The following TANC2 variants were observed in gnomAD, a reference collection of about 807,000 sequenced individuals.
The protein encoded by TANC2 is protein TANC2.
TANC2 carries 26 observed loss-of-function variants against 210.5 expected under a neutral mutation model. The observed-to-expected ratio is 0.12, with a 90% CI of 0.09 to 0.17. The LOEUF is 0.17. TANC2 is among the 10% of genes least tolerant of loss of function. The pLI is 1.00. For missense variants in TANC2, 2,129 were observed against 2,608.9 expected (o/e 0.82, Z 4.01); for synonymous variants, 931 against 967.1 (o/e 0.96, Z 0.69).
At chr17:63,343,050 A>C (rs910462997) in intron 12 of TANC2, among the ~76,000 whole-genome samples, 3 of 152,258 alleles carry the variant, frequency 2.0e-5, no homozygotes, top group Non-Finnish European at 1.5e-5. Flanking sequence ...GACCCAAAAG[A>C]ACTCAAGAAA....
chr17:62,983,773 T>C (rs2032426034), intron 1 of TANC2, among the ~76,000 whole-genome samples: 1 of 152,194 alleles, frequency 6.6e-6, no homozygotes, highest in African/African-American at 2.4e-5. Flanking sequence ...TTACATTTAA[T>C]AATTTGTGTA....
Position 62,966,499 on chromosome 17 carries a change from G to A in TANC2, c.-274G>A, listed in dbSNP as rs1192489811. ...CGCTAGGCGGAGCGAGGCGCCCGCCGCCGCCGAGCCGAGCCGAGGGGCGAG... is the reference window on the plus strand; with the variant it reads ...CGCTAGGCGGAGCGAGGCGCCCGCCACCGCCGAGCCGAGCCGAGGGGCGAG... On this transcript the variant is annotated 5_prime_UTR_variant, in exon 1 of 28. Transcript: ENST00000689528. This position sits in a 1 kb window ranked among gnomAD's most constrained non-coding sequence, Gnocchi z 5.1. Among the ~76,000 whole-genome samples, 1 of 148,958 alleles carries A rather than the reference G, an allele frequency of 6.7e-6. No individual in the cohort carries two copies. The highest frequency in any genetic ancestry group is 1.5e-5 in the Non-Finnish European group (1 of 66,720).
chr17:63,143,639 A>G (rs888636952), intron 4 of TANC2, among the ~76,000 whole-genome samples: 1 of 152,124 alleles, frequency 6.6e-6, no homozygotes, highest in Non-Finnish European at 1.5e-5. Context: ...ATGCTAGTAT[A>G]CCTTCTCAAA....
intron 5 of TANC2, among the ~76,000 whole-genome samples, chr17:63,170,434 TAAAAAAA>T (rs761783557): frequency 3.0e-5 from 4 of 133,198 alleles, no homozygotes; most frequent in Non-Finnish European, 6.5e-5. Flanking sequence ...AGATTCCATT[TAAAAAAA>T]AAAAAAAAAA....
chr17:63,196,209 C>G (rs1351469704), intron 6 of TANC2, among the ~76,000 whole-genome samples: 2 of 152,278 alleles, frequency 1.3e-5, no homozygotes. Flanking sequence ...GATGTCAGAT[C>G]TGATGATTTT....
chr17:63,152,227 C>T (rs907264388), intron 5 of TANC2: 2 of 152,110 alleles, frequency 1.3e-5, no homozygotes, highest in African/African-American at 4.8e-5. Flanking sequence ...GTGAATACAA[C>T]TACTACATAT....
rs143373195 is a variant in TANC2 at position 63,247,604 on chromosome 17, A to G, written c.1033+9527A>G. Reference sequence around the variant, plus strand: ...GTGAATGATTTTTTTATTTACCACAATTGTCTTCCCATAATGTTAGTCTTT... The same window carrying G: ...GTGAATGATTTTTTTATTTACCACAGTTGTCTTCCCATAATGTTAGTCTTT... On this transcript the variant is annotated intron_variant, in intron 8 of 27. Coordinates refer to ENST00000689528, the Ensembl canonical transcript of TANC2. 1.8e-3 allele frequency among the ~76,000 whole-genome samples: 269 copies of G among 152,086 alleles called. 1 individual carries two copies. The highest frequency in any genetic ancestry group is 3.4e-3 in the Middle Eastern group (1 of 294).
chr17:63,221,537 G>A (rs9908127), intron 7 of TANC2, among the ~76,000 whole-genome samples: 1 of 151,500 alleles, frequency 6.6e-6, no homozygotes, highest in African/African-American at 2.4e-5. Context: ...GTTCTATTCA[G>A]AATAAGTGAA....
intron 19 of TANC2, 166 bp downstream of exon 19, chr17:63,399,080 C>CA (rs2147234159): frequency 4.4e-6 from 2 of 453,450 alleles, no homozygotes; most frequent in African/African-American, 4.0e-5. Context: ...TTTCCTCTTT[C>CA]AATCCTCTTT....
chr17:63,088,971 T>C (rs1430670825), intron 3 of TANC2: 2 of 152,190 alleles, frequency 1.3e-5, no homozygotes, highest in African/African-American at 4.8e-5. Context: ...CCATATAGAT[T>C]TCATTCATAG....
At chr17:63,007,299 T>C (rs1180865556) in intron 1 of TANC2, among the ~76,000 whole-genome samples, 1 of 152,182 alleles carries the variant, frequency 6.6e-6, no homozygotes, top group Non-Finnish European at 1.5e-5. Flanking sequence ...TGCCTTTCTT[T>C]AGTAATGCAT....
chr17:63,194,171 T>G, intron 6 of TANC2, 32 bp downstream of exon 6: 1 of 1,601,796 alleles, frequency 6.2e-7, no homozygotes, highest in Non-Finnish European at 8.5e-7. Context: ...TTGTGAAACA[T>G]GGTGTGAATC....
chr17:63,163,097 T>G (rs909456781), intron 5 of TANC2, among the ~76,000 whole-genome samples: 1 of 151,618 alleles, frequency 6.6e-6, no homozygotes, highest in African/African-American at 2.4e-5. Flanking sequence ...CTGTGAAATC[T>G]AAGCCAAGCA....
intron 2 of TANC2, among the ~76,000 whole-genome samples, chr17:63,026,929 C>A (rs1598278468): frequency 6.6e-6 from 1 of 152,090 alleles, no homozygotes; most frequent in South Asian, 2.1e-4. Context: ...TTTGCTGCAT[C>A]CCTCCATGTT....
At chr17:63,116,213 A>G (rs569457294) in intron 4 of TANC2, among the ~76,000 whole-genome samples, 1 of 152,386 alleles carries the variant, frequency 6.6e-6, no homozygotes, top group African/African-American at 2.4e-5. Context: ...ATGAAATATC[A>G]TAGCATCAGT....
At chr17:63,055,983 AAAAAAAAATATAT>A (rs1397155973) in intron 2 of TANC2, among the ~76,000 whole-genome samples, 6 of 22,214 alleles carry the variant, frequency 2.7e-4, no homozygotes, top group Admixed American at 7.0e-4. Flanking sequence ...AAAAAAAAAA[AAAAAAAAATATAT>A]ATATATATAT....
intron 11 of TANC2, chr17:63,338,835 G>A (rs1841815378): frequency 6.6e-6 from 1 of 152,174 alleles, no homozygotes; most frequent in Admixed American, 6.5e-5. Context: ...TATGTTTAAT[G>A]AGAAGGATTT....
At chr17:63,304,060 A>G (rs995887797) in intron 9 of TANC2, among the ~76,000 whole-genome samples, 1 of 151,762 alleles carries the variant, frequency 6.6e-6, no homozygotes, top group Non-Finnish European at 1.5e-5. Flanking sequence ...GGAGTTTATT[A>G]CCCACCTTCT....
intron 25 of TANC2, among the ~76,000 whole-genome samples, chr17:63,415,175 A>G (rs1245477267): frequency 3.3e-5 from 5 of 152,254 alleles, no homozygotes; most frequent in African/African-American, 7.2e-5. Context: ...GCTTGGGGTT[A>G]GGAAGTCATA....
Sources: gnomAD v4.1 joint callset for allele counts (sites outside exome capture counted in the v4.1 genomes callset) on GRCh38, gnomAD v4.1.1 for gene constraint, Gnocchi (gnomAD v3.1) non-coding constraint, MANE v1.5 for transcripts, NCBI Gene and HGNC (gene_info 2026-07-23, HGNC 2026-07-21) for gene names.